Variants in DNAAF11 observed in about 807,000 individuals in gnomAD.
DNAAF11 encodes leucine rich repeat containing 6.
A neutral mutation model predicts 60.8 loss-of-function variants in DNAAF11; 45 were observed. The observed-to-expected ratio is 0.74, with a 90% CI of 0.58 to 0.95. The LOEUF (loss-of-function observed/expected upper bound fraction) is 0.95, where lower values mean the gene tolerates loss of function less well. Ranked by LOEUF, DNAAF11 falls within the 40% of genes least tolerant of loss-of-function variation. The pLI, the probability that DNAAF11 is intolerant of heterozygous loss-of-function variation, is 0.00. For synonymous variants in DNAAF11, 191 were observed against 183.5 expected (o/e 1.04, Z -0.33); for missense variants, 546 against 546.2 (o/e 1.00, Z 0.00).
At chr8:132,586,363 C>T (rs773087623) in intron 10 of DNAAF11, among the ~76,000 whole-genome samples, 64 of 106,278 alleles carry the variant, frequency 6.0e-4, no homozygotes, top group Non-Finnish European at 1.0e-3. Flanking sequence ...ACTTGAAATG[C>T]GGTTAGTGCA....
At chr8:132,643,476 G>A (rs1293652975) in intron 3 of DNAAF11, 1 of 355,702 alleles carries the variant, frequency 2.8e-6, no homozygotes, top group East Asian at 7.4e-5. Flanking sequence ...ATGTGGGAGA[G>A]TTGGGGAGCA....
Position 132,604,188 on chromosome 8 carries a change from G to C in DNAAF11, c.1140+5978C>G, listed in dbSNP as rs1240315639. 2.6e-5 allele frequency among the ~76,000 whole-genome samples: 4 copies of C among 152,158 alleles called. No homozygotes were observed. In the East Asian group the frequency reaches 7.7e-4, roughly 29 times the overall value. ...AGCAAGATGCCCAGGCAACACTATA[G>C]ACCCACTTGACAATCAGAGAATAAA... is the stretch of plus-strand genomic sequence containing the variant. On this transcript the variant is annotated intron_variant, in intron 10 of 11. Transcript: ENST00000620350.
chr8:132,665,174 T>C (rs1377321727), intron 1 of DNAAF11, among the ~76,000 whole-genome samples: 1 of 152,080 alleles, frequency 6.6e-6, no homozygotes, highest in Non-Finnish European at 1.5e-5. Context: ...TTTATAGCGC[T>C]GAGGAAATTG....
chr8:132,627,248 G>T (rs1820367348), intron 5 of DNAAF11, among the ~76,000 whole-genome samples: 1 of 151,858 alleles, frequency 6.6e-6, no homozygotes, highest in Admixed American at 6.6e-5. Context: ...GTGACTAATT[G>T]GTTCAATCTG....
At chr8:132,666,075 T>C (rs1044265557) in intron 1 of DNAAF11, among the ~76,000 whole-genome samples, 5 of 152,024 alleles carry the variant, frequency 3.3e-5, no homozygotes, top group African/African-American at 1.2e-4. Flanking sequence ...ATGGAAACAA[T>C]AGACCCTGAG....
intron 11 of DNAAF11, among the ~76,000 whole-genome samples, chr8:132,577,763 A>AT (rs1425558296): frequency 2.0e-5 from 3 of 152,120 alleles, no homozygotes; most frequent in Non-Finnish European, 4.4e-5. Context: ...TGTTCAAGTG[A>AT]TCTTCCCACC....
At chr8:132,697,929 TAC>T in the DNAAF11 span, among the ~76,000 whole-genome samples, 1 of 152,150 alleles carries the variant, frequency 6.6e-6, no homozygotes. Flanking sequence ...GGGCCAGTGA[TAC>T]AATAAGAATG....
upstream of DNAAF11, among the ~76,000 whole-genome samples, chr8:132,678,513 GGGACTAT>G (rs1477137540): frequency 1.3e-5 from 2 of 151,992 alleles, no homozygotes; most frequent in African/African-American, 4.8e-5. Flanking sequence ...CTTCAACCTT[GGGACTAT>G]GTGTGTGCAC....
intron 3 of DNAAF11, among the ~76,000 whole-genome samples, chr8:132,646,078 A>G (rs1822350430): frequency 6.6e-6 from 1 of 152,222 alleles, no homozygotes. Context: ...TGTTAAGGGC[A>G]GCCAGAGAGA....
At chr8:132,622,589 C>A (rs566223077) in intron 7 of DNAAF11, 22 bp downstream of exon 7, 2 of 1,593,620 alleles carry the variant, frequency 1.3e-6, no homozygotes, top group East Asian at 4.5e-5. Flanking sequence ...GGGTCTTTAA[C>A]GCTCTATTTG....
chr8:132,689,929 T>C, the DNAAF11 span, among the ~76,000 whole-genome samples: 1 of 152,184 alleles, frequency 6.6e-6, no homozygotes, highest in Non-Finnish European at 1.5e-5. Flanking sequence ...TTGACCAGTC[T>C]GTTTTCAAAT....
At chr8:132,628,392 A>G (rs959544075) in intron 5 of DNAAF11, among the ~76,000 whole-genome samples, 3 of 152,182 alleles carry the variant, frequency 2.0e-5, no homozygotes, top group South Asian at 4.2e-4. Context: ...AGCCTGGGTG[A>G]CAGAGTGAGA....
intron 10 of DNAAF11, among the ~76,000 whole-genome samples, chr8:132,601,128 T>C (rs1251681967): frequency 5.3e-5 from 8 of 152,118 alleles, no homozygotes; most frequent in Non-Finnish European, 7.4e-5. Context: ...TGAACAGACA[T>C]TTCTCAAAAG....
chr8:132,608,761 A>G (rs1818357869), intron 10 of DNAAF11, among the ~76,000 whole-genome samples: 1 of 152,222 alleles, frequency 6.6e-6, no homozygotes, highest in African/African-American at 2.4e-5. Flanking sequence ...TGGTTACTAT[A>G]GAAGCATTTC....
At chr8:132,583,803 C>T (rs1368593632) in intron 10 of DNAAF11, 24 bp from the exon 11 acceptor site, 15 of 1,489,786 alleles carry the variant, frequency 1.0e-5, no homozygotes, top group Non-Finnish European at 1.4e-5. Flanking sequence ...GAAACACACA[C>T]CAAGTGGTGC....
At chr8:132,600,440 A>G (rs988732883) in intron 10 of DNAAF11, among the ~76,000 whole-genome samples, 1 of 152,328 alleles carries the variant, frequency 6.6e-6, no homozygotes, top group South Asian at 2.1e-4. Flanking sequence ...GTTCATATGT[A>G]ACCAAAAAAG....
chr8:132,595,453 C>A (rs966756490), intron 10 of DNAAF11, among the ~76,000 whole-genome samples: 3 of 150,900 alleles, frequency 2.0e-5, no homozygotes, highest in East Asian at 1.9e-4. Flanking sequence ...TTGTACACAG[C>A]CTTCTGGGCC....
intron 5 of DNAAF11, among the ~76,000 whole-genome samples, chr8:132,625,834 C>G (rs1350926164): frequency 2.6e-5 from 4 of 152,160 alleles, no homozygotes; most frequent in African/African-American, 7.2e-5. Flanking sequence ...AGTAGTAGAT[C>G]TGAAGCCTGG....
chr8:132,674,082 C>CAGGAGGAGGAGGAGG (rs1158623785), intron 1 of DNAAF11, among the ~76,000 whole-genome samples: 1 of 60,014 alleles, frequency 1.7e-5, no homozygotes, highest in Non-Finnish European at 3.5e-5. Flanking sequence ...GGAGGAGGAG[C>CAGGAGGAGGAGGAGG]AGGAGGAGGA....
Sources: gnomAD v4.1 joint callset for allele counts (sites outside exome capture counted in the v4.1 genomes callset) on GRCh38, gnomAD v4.1.1 for gene constraint, MANE v1.5 for transcripts, NCBI Gene and HGNC (gene_info 2026-07-23, HGNC 2026-07-21) for gene names.